The following ZNF735 variants were observed in gnomAD, a reference collection of about 807,000 sequenced individuals.
ZNF735 encodes putative zinc finger protein 735.
A neutral mutation model predicts 13.4 loss-of-function variants in ZNF735; 11 were observed. The ratio of observed to expected loss-of-function variants is 0.82; its 90% CI spans 0.52 to 1.36. The LOEUF (loss-of-function observed/expected upper bound fraction) is 1.36, where lower values mean the gene tolerates loss of function less well. ZNF735 is among the 40% of genes most tolerant of loss of function. ZNF735 has a pLI of 0.00. For missense variants in ZNF735, 500 were observed against 484.6 expected, an observed-to-expected ratio of 1.03 and a Z score of -0.30; for synonymous variants, 171 against 162.6, an observed-to-expected ratio of 1.05 and a Z score of -0.39.
chr7:64,211,303 C>A (rs1787357191), intron 1 of ZNF735, among the ~76,000 whole-genome samples: 1 of 152,076 alleles, frequency 6.6e-6, no homozygotes, highest in Non-Finnish European at 1.5e-5. Flanking sequence ...ATTGAGGAAA[C>A]ACAGTTGTCT....
At position 64,208,750 on chromosome 7, in the gene ZNF735, CTGT is replaced by C. The variant is rs1168549430; in HGVS notation, c.39+1514_39+1516del. Among the ~76,000 whole-genome samples, 6 of 152,166 alleles carry C rather than the reference CTGT, an allele frequency of 3.9e-5. No individual in the cohort carries two copies. In the East Asian group the frequency reaches 7.7e-4, roughly 20 times the overall value. ...TCCACCCTGAACTGAGCCTCAGTGTCTGTTGTTCTCTTATTTGCATCCATGTAT... is the reference window on the plus strand; with the variant it reads ...TCCACCCTGAACTGAGCCTCAGTGTCTGTTCTCTTATTTGCATCCATGTAT... On this transcript the variant is annotated intron_variant, in intron 1 of 3. Coordinates refer to ENST00000429565, the Ensembl canonical transcript of ZNF735.
chr7:64,215,857 A>G (rs1247095893), intron 3 of ZNF735, among the ~76,000 whole-genome samples: 1 of 152,070 alleles, frequency 6.6e-6, no homozygotes, highest in East Asian at 1.9e-4. Context: ...TGGGCTCCCT[A>G]TTTTGTTCTA....
exon 4 of ZNF735, chr7:64,219,672 T>C (rs1187218719): frequency 1.3e-6 from 2 of 1,586,318 alleles, no homozygotes; most frequent in East Asian, 2.3e-5. Flanking sequence ...AGATAATTCA[T>C]ACTAAGGAGA....
intron 3 of ZNF735, among the ~76,000 whole-genome samples, chr7:64,218,394 G>C (rs1787446706): frequency 6.6e-6 from 1 of 150,862 alleles, no homozygotes; most frequent in Non-Finnish European, 1.5e-5. Flanking sequence ...ATGTGTTATG[G>C]ATCTTTTTGT....
At chr7:64,210,831 G>A (rs1173378838) in intron 1 of ZNF735, among the ~76,000 whole-genome samples, 1 of 152,156 alleles carries the variant, frequency 6.6e-6, no homozygotes, top group African/African-American at 2.4e-5. Flanking sequence ...CTGCCCTTGG[G>A]TGTGTGTGGT....
chr7:64,212,215 G>A (rs1272879418), intron 1 of ZNF735, among the ~76,000 whole-genome samples: 1 of 152,032 alleles, frequency 6.6e-6, no homozygotes, highest in Non-Finnish European at 1.5e-5. Context: ...TAAAGTTGAA[G>A]GCTCTTATCT....
chr7:64,218,493 C>T (rs2116488712), intron 3 of ZNF735, among the ~76,000 whole-genome samples: 1 of 151,652 alleles, frequency 6.6e-6, no homozygotes, highest in African/African-American at 2.4e-5. Context: ...TTTCTATGTC[C>T]ACAATTGTTT....
At chr7:64,209,171 T>G (rs1296330345) in intron 1 of ZNF735, among the ~76,000 whole-genome samples, 2 of 151,864 alleles carry the variant, frequency 1.3e-5, no homozygotes, top group African/African-American at 4.8e-5. Flanking sequence ...AAATTTATAC[T>G]CTCACCAGCA....
At chr7:64,217,125 A>G (rs1372014214) in intron 3 of ZNF735, among the ~76,000 whole-genome samples, 3 of 152,132 alleles carry the variant, frequency 2.0e-5, no homozygotes, top group Admixed American at 6.5e-5. Flanking sequence ...CATCACGGAG[A>G]CAAATCCCTC....
At chr7:64,219,671 A>T (rs1422612211) in exon 4 of ZNF735, 1 of 1,586,212 alleles carries the variant, frequency 6.3e-7, no homozygotes. Context: ...CAGATAATTC[A>T]TACTAAGGAG....
chr7:64,210,649 C>T (rs1318129113), intron 1 of ZNF735, among the ~76,000 whole-genome samples: 2 of 152,146 alleles, frequency 1.3e-5, no homozygotes, highest in East Asian at 1.9e-4. Context: ...CAGTGCGGTT[C>T]GTGCTCCCAT....
At chr7:64,209,441 T>C (rs1203417963) in intron 1 of ZNF735, among the ~76,000 whole-genome samples, 1 of 151,724 alleles carries the variant, frequency 6.6e-6, no homozygotes, top group Non-Finnish European at 1.5e-5. Context: ...TCGCCTTCCA[T>C]TTTTCAAGCG....
chr7:64,214,188 C>T (rs1179014207), intron 3 of ZNF735, 80 bp downstream of exon 3: 2 of 1,389,536 alleles, frequency 1.4e-6, no homozygotes, highest in Admixed American at 4.4e-5. Context: ...AAAATGTGGT[C>T]TGCAGAGCTG....
intron 1 of ZNF735, among the ~76,000 whole-genome samples, chr7:64,209,423 T>G (rs1360767796): frequency 2.0e-5 from 3 of 151,806 alleles, no homozygotes; most frequent in African/African-American, 4.8e-5. Flanking sequence ...CTCGGCTCAC[T>G]GCAACCTTCG....
chr7:64,214,083 A>T, exon 3 of ZNF735: 6 of 1,600,624 alleles, frequency 3.7e-6, no homozygotes, highest in Non-Finnish European at 5.1e-6. Flanking sequence ...ATATAAAGAG[A>T]AATGAGATGG....
chr7:64,208,480 C>T (rs1178643591), intron 1 of ZNF735, among the ~76,000 whole-genome samples: 1 of 152,038 alleles, frequency 6.6e-6, no homozygotes, highest in Non-Finnish European at 1.5e-5. Context: ...TGGTCTCGAA[C>T]TTTTGACCTC....
At chr7:64,217,161 G>T (rs1787432149) in intron 3 of ZNF735, among the ~76,000 whole-genome samples, 1 of 152,118 alleles carries the variant, frequency 6.6e-6, no homozygotes, top group Non-Finnish European at 1.5e-5. Context: ...CAATCATAGA[G>T]TTCTCACACT....
chr7:64,210,826 C>A (rs1787351222), intron 1 of ZNF735, among the ~76,000 whole-genome samples: 1 of 152,036 alleles, frequency 6.6e-6, no homozygotes, highest in African/African-American at 2.4e-5. Flanking sequence ...TCTTTCTGCC[C>A]TTGGGTGTGT....
intron 3 of ZNF735, among the ~76,000 whole-genome samples, chr7:64,217,641 A>T (rs1392059515): frequency 6.6e-6 from 1 of 152,112 alleles, no homozygotes; most frequent in African/African-American, 2.4e-5. Flanking sequence ...TAGACATAAT[A>T]GTTACAGATT....
Sources: allele counts gnomAD v4.1 joint callset (sites outside exome capture counted in the v4.1 genomes callset), GRCh38; gene constraint gnomAD v4.1.1; transcripts MANE v1.5; gene names NCBI Gene and HGNC (gene_info 2026-07-23, HGNC 2026-07-21).